Variants in PLOD2 observed in about 807,000 individuals in gnomAD.
PLOD2 encodes the protein procollagen-lysine,2-oxoglutarate 5-dioxygenase 2, also known as lysine hydroxylase 2.
In PLOD2, 65 loss-of-function variants were observed where a neutral mutation model predicts 101.0. The ratio of observed to expected loss-of-function variants is 0.64; its 90% CI spans 0.53 to 0.79. The LOEUF is 0.79. Among genes scored for constraint, PLOD2 ranks in the 30% least tolerant of loss-of-function variants. The probability of loss-of-function intolerance (pLI) is 0.00; values close to 1 mark genes in which losing one functional copy is unlikely to be tolerated. For synonymous variants in PLOD2, 314 were observed against 302.9 expected (o/e 1.04, Z -0.38); for missense variants, 909 against 914.6 (o/e 0.99, Z 0.08).
At chr3:146,115,080 G>A (rs1023403963) in intron 3 of PLOD2, among the ~76,000 whole-genome samples, 24 of 152,204 alleles carry the variant, frequency 1.6e-4, no homozygotes, top group African/African-American at 5.8e-4. Flanking sequence ...AACATGTGAT[G>A]TCTCCCCCGG....
In PLOD2 at chr3:146,089,648, T is replaced by C. The variant is rs187576939; in HGVS notation, c.880-937A>G. 1.3e-4 allele frequency among the ~76,000 whole-genome samples: 19 copies of C among 151,784 alleles called. No individual in the cohort carries two copies. In the East Asian group the frequency reaches 3.7e-3, roughly 29 times the overall value. On this transcript the variant is annotated intron_variant, in intron 8 of 19. Transcript: ENST00000282903. ...ACCTCACACATTACTCCATTATCTG[T>C]ATAATAACATATGCTCACATAAAAG...
At chr3:146,125,205 G>T (rs9877411) in intron 1 of PLOD2, among the ~76,000 whole-genome samples, 62,188 of 151,784 alleles carry the variant, frequency 0.41, 13,147 homozygotes, top group East Asian at 0.56. Context: ...TATAAGAAAA[G>T]AATTCAGGTT....
intron 7 of PLOD2, among the ~76,000 whole-genome samples, chr3:146,097,140 C>T (rs1456365989): frequency 1.9e-4 from 28 of 149,056 alleles, no homozygotes; most frequent in Non-Finnish European, 3.3e-4. Context: ...GGGGTCAGCC[C>T]CCCGCCCGGC....
intron 17 of PLOD2, 28 bp downstream of exon 17, chr3:146,072,533 T>C: frequency 1.5e-6 from 2 of 1,345,700 alleles, no homozygotes; most frequent in Non-Finnish European, 1.1e-6. Context: ...ACATACATTT[T>C]AGTTCTTAGT....
At chr3:146,157,726 G>A (rs773687872) in intron 1 of PLOD2, among the ~76,000 whole-genome samples, 7 of 152,094 alleles carry the variant, frequency 4.6e-5, no homozygotes, top group Non-Finnish European at 7.4e-5. Flanking sequence ...AGTTTTATAT[G>A]TCTGTTGTCA....
intron 1 of PLOD2, among the ~76,000 whole-genome samples, chr3:146,151,581 C>T (rs184537368): frequency 6.6e-6 from 1 of 151,910 alleles, no homozygotes; most frequent in African/African-American, 2.4e-5. Flanking sequence ...GCTCAAGAAT[C>T]GGCTCAAGGT....
rs113133758 is a variant in PLOD2, at chr3:146,105,502, T to C, written c.615+1030A>G. ...GGCTTCAATGTTTTCTCAACACCCA[T>C]AATCTCCAGGCTCCAAATCTCAGAG... On this transcript the variant is annotated intron_variant, in intron 5 of 19. Transcript: ENST00000282903. 8.7e-3 allele frequency among the ~76,000 whole-genome samples: 1,327 copies of C among 152,300 alleles called. 7 individuals carry two copies. The highest frequency in any genetic ancestry group is 0.014 in the Non-Finnish European group (943 of 68,036).
chr3:146,073,409 T>A (rs1452564392), intron 15 of PLOD2, 57 bp from the exon 16 acceptor site: 7 of 641,312 alleles, frequency 1.1e-5, no homozygotes, highest in Middle Eastern at 3.8e-4. Flanking sequence ...CACTGAAAAG[T>A]ATAAAGCATA....
At chr3:146,092,003 A>AG in intron 7 of PLOD2, 102 bp from the exon 8 acceptor site, 1 of 705,934 alleles carries the variant, frequency 1.4e-6, no homozygotes, top group South Asian at 1.5e-5. Flanking sequence ...TGCAGCAGGT[A>AG]TATTCCTTTA....
At chr3:146,091,474 A>G (rs1936966846) in intron 8 of PLOD2, among the ~76,000 whole-genome samples, 1 of 151,950 alleles carries the variant, frequency 6.6e-6, no homozygotes, top group African/African-American at 2.4e-5. Context: ...GTCAATAAAA[A>G]TGCTGAAGCC....
intron 9 of PLOD2, among the ~76,000 whole-genome samples, chr3:146,088,081 T>G (rs544020618): frequency 2.6e-5 from 4 of 151,662 alleles, no homozygotes; most frequent in African/African-American, 9.7e-5. Flanking sequence ...GGATAATATG[T>G]AGGAGGTATG....
chr3:146,096,086 G>A (rs1327320050), intron 7 of PLOD2, among the ~76,000 whole-genome samples: 15 of 150,270 alleles, frequency 1.0e-4, no homozygotes, highest in African/African-American at 3.4e-4. Flanking sequence ...ACGGGGTTTC[G>A]CTGTGTTGGC....
intron 7 of PLOD2, among the ~76,000 whole-genome samples, chr3:146,096,111 G>C (rs926867553): frequency 1.3e-4 from 19 of 150,496 alleles, no homozygotes; most frequent in Non-Finnish European, 1.9e-4. Flanking sequence ...CTGGTCTCCA[G>C]CTCCTAACTG....
At chr3:146,096,828 TG>T (rs1361890431) in intron 7 of PLOD2, among the ~76,000 whole-genome samples, 1 of 124,964 alleles carries the variant, frequency 8.0e-6, no homozygotes, top group Non-Finnish European at 1.7e-5. Flanking sequence ...CCGCCCCTAC[TG>T]GGAAGTGAGG....
intron 9 of PLOD2, among the ~76,000 whole-genome samples, chr3:146,087,522 T>G (rs948177343): frequency 6.6e-6 from 1 of 151,968 alleles, no homozygotes; most frequent in Non-Finnish European, 1.5e-5. Context: ...GTGATTCGAC[T>G]GTGCTAAAAT....
intron 15 of PLOD2, chr3:146,076,459 T>C: frequency 5.1e-6 from 1 of 195,152 alleles, no homozygotes; most frequent in Non-Finnish European, 1.0e-5. Flanking sequence ...TTTGGCTATA[T>C]ACCCAGTAAT....
chr3:146,089,052 G>A (rs1376751681), intron 8 of PLOD2, among the ~76,000 whole-genome samples: 1 of 151,586 alleles, frequency 6.6e-6, no homozygotes, highest in Admixed American at 6.6e-5. Flanking sequence ...ACATCTGAAA[G>A]CTATTTTGAA....
intron 17 of PLOD2, among the ~76,000 whole-genome samples, chr3:146,071,757 T>G (rs1355252245): frequency 6.6e-6 from 1 of 151,720 alleles, no homozygotes; most frequent in Admixed American, 6.6e-5. Flanking sequence ...CAGTGACCCT[T>G]TAGGCAGTCT....
chr3:146,124,603 A>T (rs2030431976), intron 1 of PLOD2, among the ~76,000 whole-genome samples: 1 of 152,122 alleles, frequency 6.6e-6, no homozygotes, highest in Admixed American at 6.6e-5. Context: ...ATCATTCCTG[A>T]TTTATGACAT....
Sources: allele counts gnomAD v4.1 joint callset (sites outside exome capture counted in the v4.1 genomes callset), GRCh38; gene constraint gnomAD v4.1.1; transcripts MANE v1.5; gene names NCBI Gene and HGNC (gene_info 2026-07-23, HGNC 2026-07-21).